AKAP19: variants seen among roughly 807,000 people sequenced by gnomAD.
The protein encoded by AKAP19 is A-kinase anchoring protein 19.
the AKAP19 span, among the ~76,000 whole-genome samples, chr2:190,193,254 C>T: frequency 0.033 from 4,977 of 151,950 alleles, 271 homozygotes; most frequent in African/African-American, 0.11. Flanking sequence ...TGAATTATAT[C>T]TATTGTCTTT....
the AKAP19 span, chr2:190,055,865 TATAAA>T: frequency 2.0e-5 from 3 of 152,222 alleles, no homozygotes; most frequent in South Asian, 2.1e-4. Context: ...ATTATCAAAT[TATAAA>T]ATAAAAGTAA....
chr2:190,184,565 A>G, the AKAP19 span, among the ~76,000 whole-genome samples: 1 of 152,232 alleles, frequency 6.6e-6, no homozygotes, highest in Non-Finnish European at 1.5e-5. Context: ...TTGGGGAGAC[A>G]GCATTTATAA....
At chr2:189,967,028 T>C in the AKAP19 span, among the ~76,000 whole-genome samples, 1 of 152,218 alleles carries the variant, frequency 6.6e-6, no homozygotes, top group Non-Finnish European at 1.5e-5. Flanking sequence ...TACCGATACA[T>C]GGCTTCTCAA....
chr2:190,180,349 C>A, the AKAP19 span: 1 of 590,324 alleles, frequency 1.7e-6, no homozygotes, highest in Non-Finnish European at 2.1e-6. This position sits in a 1 kb window ranked among gnomAD's most constrained non-coding sequence, Gnocchi z 6.8. Flanking sequence ...ACCTGTTGTC[C>A]CAAGGCAGGC....
At chr2:190,062,572 A>G in the AKAP19 span, 2 of 1,612,650 alleles carry the variant, frequency 1.2e-6, no homozygotes, top group Non-Finnish European at 1.7e-6. Context: ...AGGTAAATAT[A>G]AACACAGAGT....
At chr2:190,063,592 GA>G in the AKAP19 span, among the ~76,000 whole-genome samples, 1 of 152,076 alleles carries the variant, frequency 6.6e-6, no homozygotes, top group Admixed American at 6.6e-5. Flanking sequence ...AATATCCAGA[GA>G]GTAAAAAGTG....
chr2:190,148,195 G>A, the AKAP19 span, among the ~76,000 whole-genome samples: 1 of 152,260 alleles, frequency 6.6e-6, no homozygotes, highest in Non-Finnish European at 1.5e-5. Flanking sequence ...TGCTGATTTT[G>A]TTGAAAGTTT....
the AKAP19 span, among the ~76,000 whole-genome samples, chr2:189,914,480 G>A: frequency 7.2e-5 from 11 of 152,136 alleles, no homozygotes; most frequent in Non-Finnish European, 1.3e-4. Flanking sequence ...AATTTTGTAT[G>A]AAACTGCCAG....
chr2:189,972,434 C>G, the AKAP19 span, among the ~76,000 whole-genome samples: 1 of 152,156 alleles, frequency 6.6e-6, no homozygotes, highest in South Asian at 2.1e-4. Context: ...CAGCTCTGTT[C>G]TTTTGGCTTA....
the AKAP19 span, among the ~76,000 whole-genome samples, chr2:190,125,795 A>G: frequency 1.3e-5 from 2 of 152,210 alleles, no homozygotes; most frequent in South Asian, 4.1e-4. Context: ...TCCCCACCAT[A>G]CTTAATTAGG....
chr2:189,930,871 A>G, the AKAP19 span: 2 of 730,990 alleles, frequency 2.7e-6, no homozygotes, highest in South Asian at 1.5e-5. Flanking sequence ...TGGATGGTAG[A>G]CTGGAGCTGG....
the AKAP19 span, chr2:189,924,283 T>G: frequency 9.0e-7 from 1 of 1,113,984 alleles, no homozygotes; most frequent in Non-Finnish European, 1.4e-6. Context: ...TAAGATCAAA[T>G]TTTTCACCAG....
chr2:189,924,879 G>A, the AKAP19 span, among the ~76,000 whole-genome samples: 1 of 149,840 alleles, frequency 6.7e-6, no homozygotes, highest in African/African-American at 2.5e-5. Flanking sequence ...TTAAACCAGG[G>A]GAAAAAATAA....
At chr2:190,035,520 T>C in the AKAP19 span, among the ~76,000 whole-genome samples, 2 of 152,026 alleles carry the variant, frequency 1.3e-5, no homozygotes, top group South Asian at 4.2e-4. Context: ...TCATCACTAC[T>C]CCTGCACAGC....
chr2:190,139,718 A>G, the AKAP19 span, among the ~76,000 whole-genome samples: 1 of 152,132 alleles, frequency 6.6e-6, no homozygotes, highest in Non-Finnish European at 1.5e-5. Context: ...CTCCCACAAC[A>G]TGTGGAGGTT....
chr2:190,123,531 T>C, the AKAP19 span, among the ~76,000 whole-genome samples: 7 of 152,214 alleles, frequency 4.6e-5, no homozygotes, highest in Admixed American at 3.3e-4. Context: ...ACTTCAGGTC[T>C]TCCACATTTA....
At chr2:189,951,084 C>G in the AKAP19 span, among the ~76,000 whole-genome samples, 1 of 151,880 alleles carries the variant, frequency 6.6e-6, no homozygotes. Context: ...TTACCTCAGA[C>G]CTCTTCCACC....
the AKAP19 span, among the ~76,000 whole-genome samples, chr2:189,888,925 C>T: frequency 1.3e-5 from 2 of 152,246 alleles, no homozygotes; most frequent in Non-Finnish European, 2.9e-5. Flanking sequence ...CATTTGAATA[C>T]CCTTTCTTTC....
At chr2:190,042,472 T>A in the AKAP19 span, among the ~76,000 whole-genome samples, 2 of 151,996 alleles carry the variant, frequency 1.3e-5, no homozygotes, top group African/African-American at 4.8e-5. Context: ...AACTCCTGGA[T>A]TTGTTGATCT....
Sources: allele counts gnomAD v4.1 joint callset (sites outside exome capture counted in the v4.1 genomes callset), GRCh38; gene constraint gnomAD v4.1.1; non-coding constraint Gnocchi (gnomAD v3.1); transcripts MANE v1.5; gene names NCBI Gene and HGNC (gene_info 2026-07-23, HGNC 2026-07-21).